The following COLEC10 variants were observed in gnomAD, a reference collection of about 807,000 sequenced individuals.
The protein encoded by COLEC10 is collectin-10.
COLEC10 carries 22 observed loss-of-function variants against 28.4 expected under a neutral mutation model. The observed-to-expected ratio is 0.78, with a 90% CI of 0.55 to 1.11. The LOEUF is 1.11. Among genes scored for constraint, COLEC10 ranks in the 50% least tolerant of loss-of-function variants. The pLI is 0.00. For missense variants in COLEC10, 361 were observed against 344.1 expected, an observed-to-expected ratio of 1.05 and a Z score of -0.39; for synonymous variants, 125 against 116.1, an observed-to-expected ratio of 1.08 and a Z score of -0.49.
intron 2 of COLEC10, among the ~76,000 whole-genome samples, chr8:119,057,593 T>C (rs1814787062): frequency 6.6e-6 from 1 of 152,098 alleles, no homozygotes; most frequent in Non-Finnish European, 1.5e-5. Flanking sequence ...GATAAATTTC[T>C]TAAGGAAAAA....
intron 2 of COLEC10, among the ~76,000 whole-genome samples, chr8:119,009,980 G>A (rs1402345848): frequency 6.6e-6 from 1 of 150,628 alleles, no homozygotes; most frequent in Non-Finnish European, 1.5e-5. Flanking sequence ...CAAAAAGAGT[G>A]GTGCATTTGC....
chr8:119,014,430 A>G (rs78404271), intron 2 of COLEC10, among the ~76,000 whole-genome samples: 4,513 of 150,026 alleles, frequency 0.03, 186 homozygotes, highest in East Asian at 0.16. Context: ...GAAGCTGGAT[A>G]TAATTCTTAT....
the COLEC10 span, among the ~76,000 whole-genome samples, chr8:118,986,963 G>A: frequency 1.3e-5 from 2 of 152,054 alleles, no homozygotes; most frequent in African/African-American, 4.8e-5. Context: ...ACTAAATGGA[G>A]GGTATGGTTG....
chr8:119,097,425 T>A (rs1815742463), intron 3 of COLEC10, among the ~76,000 whole-genome samples: 1 of 152,008 alleles, frequency 6.6e-6, no homozygotes, highest in South Asian at 2.1e-4. Context: ...AGCTAATTAT[T>A]ATGAAAAAAA....
At chr8:118,953,041 A>G in the COLEC10 span, among the ~76,000 whole-genome samples, 1 of 152,232 alleles carries the variant, frequency 6.6e-6, no homozygotes, top group African/African-American at 2.4e-5. Flanking sequence ...AGGAAGGTGA[A>G]GAATCAGGAG....
At chr8:118,972,574 C>G in the COLEC10 span, among the ~76,000 whole-genome samples, 10,425 of 151,950 alleles carry the variant, frequency 0.069, 634 homozygotes, top group East Asian at 0.17. Flanking sequence ...CCCCTAAAAA[C>G]TAAAACAAAC....
the COLEC10 span, among the ~76,000 whole-genome samples, chr8:118,960,567 G>A: frequency 3.3e-5 from 5 of 152,062 alleles, no homozygotes; most frequent in South Asian, 6.2e-4. Context: ...GGTGGATCAC[G>A]AGGTCGAGAG....
rs1453581512 is a variant in COLEC10, at chr8:119,102,817, TCCATGG to T, written c.346+420_346+425del. ...AGGCCCCTGGTTACAGTACATGCTT[TCCATGG>T]CCACGGAGATTCTCTAGGGTTATTG... On this transcript the variant is annotated intron_variant, in intron 4 of 5. Coordinates refer to ENST00000332843, the MANE Select transcript of COLEC10 (RefSeq NM_006438.5). The T allele has an allele frequency of 5.5e-5, 9 of 163,570 alleles. No homozygotes were observed. The South Asian group carries it at 1.6e-3, about 29-fold the overall frequency. The allele number at this position is 163,570 out of a possible 1,614,324, so 10.1% of individuals were successfully genotyped here.
the COLEC10 span, among the ~76,000 whole-genome samples, chr8:118,981,052 C>T: frequency 6.6e-6 from 1 of 151,684 alleles, no homozygotes; most frequent in Non-Finnish European, 1.5e-5. Flanking sequence ...TATTTCCTAG[C>T]AGTGTTTGCC....
chr8:118,967,859 T>C, the COLEC10 span, among the ~76,000 whole-genome samples: 3 of 152,006 alleles, frequency 2.0e-5, no homozygotes, highest in Non-Finnish European at 2.9e-5. Context: ...TTTAATGGCA[T>C]TAGTAAAACC....
chr8:119,015,789 T>A (rs889070849), intron 2 of COLEC10, among the ~76,000 whole-genome samples: 4 of 152,190 alleles, frequency 2.6e-5, no homozygotes, highest in Non-Finnish European at 4.4e-5. Context: ...TTTCTTCAGT[T>A]TCCTTAGGTT....
chr8:119,069,980 GAA>G (rs1815071063), intron 1 of COLEC10, among the ~76,000 whole-genome samples: 1 of 152,162 alleles, frequency 6.6e-6, no homozygotes, highest in Non-Finnish European at 1.5e-5. Flanking sequence ...CTGGGAGAGT[GAA>G]AACTAAATGA....
intron 2 of COLEC10, among the ~76,000 whole-genome samples, chr8:119,055,832 G>C (rs896775119): frequency 1.3e-5 from 2 of 151,976 alleles, no homozygotes; most frequent in Non-Finnish European, 2.9e-5. Context: ...TATTCATTCT[G>C]TCTTTAAAAT....
intron 1 of COLEC10, among the ~76,000 whole-genome samples, chr8:119,000,649 G>A (rs1330795085): frequency 6.6e-6 from 1 of 152,136 alleles, no homozygotes; most frequent in Non-Finnish European, 1.5e-5. Flanking sequence ...AAAGAAAAGT[G>A]ATAGCAAAAG....
At chr8:118,958,046 C>T in the COLEC10 span, among the ~76,000 whole-genome samples, 1 of 152,138 alleles carries the variant, frequency 6.6e-6, no homozygotes, top group Non-Finnish European at 1.5e-5. Context: ...AACAGCAATC[C>T]AGGGCAAGCG....
At chr8:118,959,831 T>G in the COLEC10 span, among the ~76,000 whole-genome samples, 1 of 152,226 alleles carries the variant, frequency 6.6e-6, no homozygotes, top group Non-Finnish European at 1.5e-5. Context: ...TTCATGTGTC[T>G]TCCTTGACTT....
the COLEC10 span, among the ~76,000 whole-genome samples, chr8:118,959,209 T>C: frequency 6.6e-6 from 1 of 152,116 alleles, no homozygotes; most frequent in Non-Finnish European, 1.5e-5. Context: ...ATGGTCTTTT[T>C]AAAGAACAAC....
rs911350259 is a variant in COLEC10 at position 119,010,033 on chromosome 8, G to A, written n.235+480G>A. On this transcript the variant is annotated intron_variant and non_coding_transcript_variant, in intron 2 of 6. Coordinates refer to the COLEC10 transcript ENST00000521788. ...GACACATCATTATTACCCAAAGTCC[G>A]TAGTTTATACCATGGTTCATACTGA... Among the ~76,000 whole-genome samples, 13 of 150,826 alleles carry A rather than the reference G, an allele frequency of 8.6e-5. No individual in the cohort carries two copies. The East Asian group carries it at 1.5e-3, about 18-fold the overall frequency.
intron 1 of COLEC10, among the ~76,000 whole-genome samples, chr8:119,004,335 A>G (rs1813750076): frequency 6.6e-6 from 1 of 151,862 alleles, no homozygotes. Flanking sequence ...TTCTAGTGTC[A>G]TAGACTTGTG....
Sources: gnomAD v4.1 joint callset for allele counts (sites outside exome capture counted in the v4.1 genomes callset) on GRCh38, gnomAD v4.1.1 for gene constraint, MANE v1.5 for transcripts, NCBI Gene and HGNC (gene_info 2026-07-23, HGNC 2026-07-21) for gene names.